Variants in IARS1 observed in about 807,000 individuals in gnomAD.
The protein encoded by IARS1 is isoleucyl-tRNA synthetase 1.
A neutral mutation model predicts 168.2 loss-of-function variants in IARS1; 124 were observed. The ratio of observed to expected loss-of-function variants is 0.74; its 90% CI spans 0.64 to 0.86. The LOEUF is 0.86. Ranked by LOEUF, IARS1 falls within the 40% of genes least tolerant of loss-of-function variation. The pLI, the probability that IARS1 is intolerant of heterozygous loss-of-function variation, is 0.00. For missense variants in IARS1, 1,452 were observed against 1,515.8 expected, an observed-to-expected ratio of 0.96 and a Z score of 0.70; for synonymous variants, 532 against 529.4, an observed-to-expected ratio of 1.00 and a Z score of -0.07.
At chr9:92,282,053 C>T (rs1020276473) in intron 6 of IARS1, among the ~76,000 whole-genome samples, 3 of 152,106 alleles carry the variant, frequency 2.0e-5, no homozygotes, top group Non-Finnish European at 4.4e-5. Context: ...GGTAATACAG[C>T]ATCAATGTTA....
In IARS1 at chr9:92,243,325, C is replaced by G. The variant is rs192344369; in HGVS notation, c.2905-14G>C. 112 of 1,533,876 alleles carry G rather than the reference C, an allele frequency of 7.3e-5. No homozygotes were observed. The highest frequency in any genetic ancestry group is 3.0e-4 in the Admixed American group (18 of 59,746). ...GAGGACCAAAGCCTGTGGGAATGAA[C>G]AGTGCACACCATGACAATCAAATAA... On this transcript the variant is annotated splice_polypyrimidine_tract_variant and intron_variant, in intron 27 of 33. Transcript: ENST00000443024.
chr9:92,238,236 T>C (rs1280894626), intron 30 of IARS1, among the ~76,000 whole-genome samples: 1 of 152,114 alleles, frequency 6.6e-6, no homozygotes, highest in African/African-American at 2.4e-5. Context: ...TAGCTTCTTG[T>C]GGGTTACTGA....
chr9:92,266,439 C>A (rs1832296782), intron 14 of IARS1, among the ~76,000 whole-genome samples: 1 of 152,142 alleles, frequency 6.6e-6, no homozygotes, highest in South Asian at 2.1e-4. Flanking sequence ...TATGGTGGAG[C>A]CTATTACTTC....
chr9:92,258,255 A>T (rs1564175117), intron 19 of IARS1, among the ~76,000 whole-genome samples: 1 of 152,154 alleles, frequency 6.6e-6, no homozygotes, highest in Non-Finnish European at 1.5e-5. Flanking sequence ...TGGTTCCATA[A>T]GGGGAGGGGT....
intron 30 of IARS1, among the ~76,000 whole-genome samples, chr9:92,239,991 G>A (rs1168909659): frequency 6.6e-6 from 1 of 152,152 alleles, no homozygotes. Flanking sequence ...GTCTGTACTT[G>A]ACATTTCCAG....
intron 20 of IARS1, among the ~76,000 whole-genome samples, 173 bp from the exon 21 acceptor site, chr9:92,253,626 G>A (rs1166665886): frequency 6.6e-6 from 1 of 152,182 alleles, no homozygotes; most frequent in Non-Finnish European, 1.5e-5. Context: ...TTGAGGATGT[G>A]CTACATGGCA....
chr9:92,224,227 A>G (rs1174905540), intron 31 of IARS1, among the ~76,000 whole-genome samples: 2 of 152,218 alleles, frequency 1.3e-5, no homozygotes, highest in African/African-American at 2.4e-5. Flanking sequence ...TTTACTGCAC[A>G]ATACGCTGTA....
chr9:92,229,173 A>G, intron 30 of IARS1, 47 bp from the exon 31 acceptor site: 1 of 1,589,906 alleles, frequency 6.3e-7, no homozygotes, highest in Non-Finnish European at 8.6e-7. Flanking sequence ...ATAAAACTAA[A>G]AAGAAAATGT....
chr9:92,246,690 G>A (rs1391337968), intron 26 of IARS1, among the ~76,000 whole-genome samples: 1 of 152,090 alleles, frequency 6.6e-6, no homozygotes, highest in Non-Finnish European at 1.5e-5. Context: ...GGGATGGCAG[G>A]CACATACCAC....
chr9:92,263,567 TG>T (rs1831842080), intron 16 of IARS1, among the ~76,000 whole-genome samples: 2 of 152,252 alleles, frequency 1.3e-5, no homozygotes, highest in Admixed American at 1.3e-4. Flanking sequence ...ACCACTGTCC[TG>T]GGGGTGATGC....
At chr9:92,232,612 G>C (rs989059534) in intron 30 of IARS1, among the ~76,000 whole-genome samples, 1 of 152,182 alleles carries the variant, frequency 6.6e-6, no homozygotes, top group Non-Finnish European at 1.5e-5. Context: ...AGGAATCTTG[G>C]AAAAGGAATT....
chr9:92,258,536 G>A (rs1468862954), intron 19 of IARS1, among the ~76,000 whole-genome samples: 1 of 152,206 alleles, frequency 6.6e-6, no homozygotes, highest in Non-Finnish European at 1.5e-5. Flanking sequence ...GTTACAGTGA[G>A]CCGAGATCGT....
At chr9:92,230,977 T>C (rs1324918077) in intron 30 of IARS1, among the ~76,000 whole-genome samples, 3 of 152,266 alleles carry the variant, frequency 2.0e-5, no homozygotes, top group Non-Finnish European at 4.4e-5. Flanking sequence ...CTTTACGTAT[T>C]CTAGATATGT....
At chr9:92,242,843 G>A in intron 28 of IARS1, 1 of 226,632 alleles carries the variant, frequency 4.4e-6, no homozygotes, top group Non-Finnish European at 8.8e-6. Flanking sequence ...ACCCAACTCT[G>A]TCCAAATCCG....
chr9:92,267,956 G>C (rs765680363), intron 14 of IARS1, among the ~76,000 whole-genome samples: 1 of 151,868 alleles, frequency 6.6e-6, no homozygotes, highest in Non-Finnish European at 1.5e-5. Flanking sequence ...TTTTACAGAG[G>C]AAAGTTTTAT....
At chr9:92,230,045 T>G (rs1414008867) in intron 30 of IARS1, among the ~76,000 whole-genome samples, 2 of 152,184 alleles carry the variant, frequency 1.3e-5, no homozygotes, top group African/African-American at 4.8e-5. Context: ...TTAAAACATG[T>G]TATGTGAATG....
chr9:92,211,439 C>A (rs1033565386), intron 33 of IARS1, among the ~76,000 whole-genome samples: 1 of 152,272 alleles, frequency 6.6e-6, no homozygotes, highest in African/African-American at 2.4e-5. Context: ...TTTAGTGAGT[C>A]TGAGTCCTCC....
chr9:92,252,288 A>G (rs1431921376), intron 21 of IARS1: 1 of 451,746 alleles, frequency 2.2e-6, no homozygotes, highest in East Asian at 6.8e-5. Flanking sequence ...ATGTGTATTA[A>G]AAAAAATACC....
chr9:92,238,002 T>A (rs947923879), intron 30 of IARS1, among the ~76,000 whole-genome samples: 2 of 151,916 alleles, frequency 1.3e-5, no homozygotes, highest in Non-Finnish European at 2.9e-5. Flanking sequence ...GCCTCCCGGG[T>A]TCAAGCGATT....
Sources: allele counts gnomAD v4.1 joint callset (sites outside exome capture counted in the v4.1 genomes callset), GRCh38; gene constraint gnomAD v4.1.1; transcripts MANE v1.5; gene names NCBI Gene and HGNC (gene_info 2026-07-23, HGNC 2026-07-21).